Variants in RBFOX1 observed in about 807,000 individuals in gnomAD.
RBFOX1 encodes the protein RNA binding protein fox-1 homolog 1.
In RBFOX1, 8 loss-of-function variants were observed where a neutral mutation model predicts 57.7. The observed-to-expected ratio is 0.14, with a 90% CI of 0.08 to 0.25. The LOEUF is 0.25. RBFOX1 is among the 10% of genes least tolerant of loss of function. The probability of loss-of-function intolerance (pLI) is 1.00; values close to 1 mark genes in which losing one functional copy is unlikely to be tolerated. For missense variants in RBFOX1, 611 were observed against 548.5 expected (o/e 1.11, Z -1.14); for synonymous variants, 326 against 222.4 (o/e 1.47, Z -4.15).
intron 3 of RBFOX1, among the ~76,000 whole-genome samples, chr16:6,780,511 T>G (rs1464078985): frequency 8.6e-6 from 1 of 115,876 alleles, no homozygotes; most frequent in Non-Finnish European, 1.7e-5. Context: ...TATATATTTA[T>G]ATATACATTT....
At chr16:6,515,955 G>T (rs2096369085) in intron 2 of RBFOX1, among the ~76,000 whole-genome samples, 1 of 152,064 alleles carries the variant, frequency 6.6e-6, no homozygotes, top group African/African-American at 2.4e-5. Flanking sequence ...TTTAGGTACT[G>T]GTACTGAAAT....
At chr16:6,528,370 A>T (rs1377062590) in intron 2 of RBFOX1, among the ~76,000 whole-genome samples, 2 of 152,220 alleles carry the variant, frequency 1.3e-5, no homozygotes, top group African/African-American at 4.8e-5. Context: ...AGTCTCCAAC[A>T]CATTATAAAT....
At chr16:7,363,518 G>A (rs1483359567) in intron 4 of RBFOX1, among the ~76,000 whole-genome samples, 2 of 151,764 alleles carry the variant, frequency 1.3e-5, no homozygotes, top group African/African-American at 2.4e-5. Flanking sequence ...AGTAAAGGCC[G>A]GGATCTTGTG....
Position 5,419,421 on chromosome 16 carries a change from G to C in RBFOX1, c.220-47795G>C, listed in dbSNP as rs527272256. On this transcript the variant is annotated intron_variant, in intron 1 of 2. Coordinates refer to the RBFOX1 transcript ENST00000585867. ...CTAGTCTTTTCACATTCTTCTGCCA[G>C]ATTTTTTTCTGGCAATGCTGGCAGC... 9.9e-5 allele frequency among the ~76,000 whole-genome samples: 15 copies of C among 152,204 alleles called. No homozygotes were observed. The South Asian group carries it at 3.1e-3, about 32-fold the overall frequency.
chr16:6,180,076 A>G (rs3848387), intron 1 of RBFOX1, among the ~76,000 whole-genome samples: 3,504 of 152,264 alleles, frequency 0.023, 130 homozygotes, highest in African/African-American at 0.08. Flanking sequence ...CTATATTTAT[A>G]AAATATGTAG....
At chr16:6,348,582 G>A (rs1037499485) in intron 2 of RBFOX1, among the ~76,000 whole-genome samples, 9 of 152,172 alleles carry the variant, frequency 5.9e-5, no homozygotes, top group Non-Finnish European at 1.3e-4. Flanking sequence ...GTACAGGAAA[G>A]ATGGCAGAAT....
At chr16:5,293,362 C>G (rs1240397559) in intron 1 of RBFOX1, among the ~76,000 whole-genome samples, 1 of 152,168 alleles carries the variant, frequency 6.6e-6, no homozygotes, top group Non-Finnish European at 1.5e-5. Flanking sequence ...ATCCCCACCT[C>G]TGCTAGGCAT....
chr16:6,970,639 C>A (rs2085330784), intron 3 of RBFOX1, among the ~76,000 whole-genome samples: 1 of 152,120 alleles, frequency 6.6e-6, no homozygotes, highest in Non-Finnish European at 1.5e-5. Flanking sequence ...GGGCACTAAT[C>A]CCATTTGTGA....
At chr16:6,805,567 C>T (rs562399570) in intron 3 of RBFOX1, among the ~76,000 whole-genome samples, 1 of 152,020 alleles carries the variant, frequency 6.6e-6, no homozygotes, top group Non-Finnish European at 1.5e-5. Flanking sequence ...CTTCAGTTAT[C>T]ACATTGAAAG....
At chr16:6,724,790 A>G (rs2066799979) in intron 3 of RBFOX1, among the ~76,000 whole-genome samples, 1 of 152,008 alleles carries the variant, frequency 6.6e-6, no homozygotes, top group Non-Finnish European at 1.5e-5. Context: ...GGTTTGTTAC[A>G]TAAGTAAATG....
rs111638556 is a variant in RBFOX1 at position 6,678,581 on chromosome 16, A to T, written c.-16+23931A>T. Reference sequence around the variant, plus strand: ...CTCTTTAGAGGTTTTGTGATAACACAAGTGTTTCTATTTTGACAGCGGATT... The same window carrying T: ...CTCTTTAGAGGTTTTGTGATAACACTAGTGTTTCTATTTTGACAGCGGATT... On this transcript the variant is annotated intron_variant, in intron 3 of 15. Coordinates refer to ENST00000550418, the MANE Select transcript of RBFOX1 (RefSeq NM_018723.4). 4.0e-5 allele frequency among the ~76,000 whole-genome samples: 6 copies of T among 151,234 alleles called. No homozygotes were observed. The East Asian group carries it at 9.6e-4, about 24-fold the overall frequency.
At chr16:6,912,802 G>C (rs543881484) in intron 3 of RBFOX1, among the ~76,000 whole-genome samples, 1 of 151,346 alleles carries the variant, frequency 6.6e-6, no homozygotes, top group South Asian at 2.1e-4. Context: ...TTTTTTTTAA[G>C]ACAGACTTTG....
At chr16:6,022,031 A>G (rs2095090211) in intron 1 of RBFOX1, among the ~76,000 whole-genome samples, 1 of 152,112 alleles carries the variant, frequency 6.6e-6, no homozygotes, top group South Asian at 2.1e-4. Context: ...TAAGTAAGGA[A>G]CAGAAGCCTC....
intron 4 of RBFOX1, among the ~76,000 whole-genome samples, chr16:7,459,560 T>A (rs966904698): frequency 2.6e-5 from 4 of 152,234 alleles, no homozygotes; most frequent in Non-Finnish European, 5.9e-5. Context: ...AAATTTCATC[T>A]GTTAATTGGA....
At chr16:6,879,152 A>G (rs989622013) in intron 3 of RBFOX1, among the ~76,000 whole-genome samples, 1 of 152,200 alleles carries the variant, frequency 6.6e-6, no homozygotes, top group African/African-American at 2.4e-5. Context: ...CAAATCATTG[A>G]CAAAACGGCT....
At chr16:7,707,588 GA>G (rs570414866) in intron 14 of RBFOX1, among the ~76,000 whole-genome samples, 5 of 152,168 alleles carry the variant, frequency 3.3e-5, no homozygotes, top group Non-Finnish European at 7.3e-5. Context: ...GAGCTGCTGT[GA>G]ATGTTGGTTG....
chr16:6,980,636 G>A (rs1200214063), intron 3 of RBFOX1, among the ~76,000 whole-genome samples: 3 of 152,142 alleles, frequency 2.0e-5, no homozygotes, highest in Non-Finnish European at 2.9e-5. Flanking sequence ...TTATCAGAAG[G>A]TGTTGGTATT....
intron 3 of RBFOX1, among the ~76,000 whole-genome samples, chr16:6,841,015 G>A (rs1341185896): frequency 1.3e-5 from 2 of 152,160 alleles, no homozygotes; most frequent in African/African-American, 4.8e-5. Context: ...AGCACCTTGG[G>A]CTTAGCCTCC....
At chr16:5,859,984 T>G (rs7192747) in intron 3 of RBFOX1, among the ~76,000 whole-genome samples, 4,610 of 152,306 alleles carry the variant, frequency 0.03, 121 homozygotes, top group East Asian at 0.12. Context: ...AGCACCTAGA[T>G]GTAGCCTCTG....
Sources: allele counts gnomAD v4.1 joint callset (sites outside exome capture counted in the v4.1 genomes callset), GRCh38; gene constraint gnomAD v4.1.1; transcripts MANE v1.5; gene names NCBI Gene and HGNC (gene_info 2026-07-23, HGNC 2026-07-21).